Variants in CNTN4 observed in about 807,000 individuals in gnomAD.
CNTN4 encodes the protein contactin 4, also known as contactin-4.
In CNTN4, 77 loss-of-function variants were observed where a neutral mutation model predicts 122.5. The observed-to-expected ratio is 0.63, with a 90% CI of 0.52 to 0.76. CNTN4 has a LOEUF of 0.76. CNTN4 is among the 30% of genes least tolerant of loss of function. CNTN4 has a pLI of 0.00. For synonymous variants in CNTN4, 512 were observed against 447.0 expected (o/e 1.15, Z -1.83); for missense variants, 1,256 against 1,259.1 (o/e 1.00, Z 0.04).
chr3:2,929,904 G>A (rs905572240), intron 13 of CNTN4, among the ~76,000 whole-genome samples: 2 of 152,204 alleles, frequency 1.3e-5, no homozygotes, highest in African/African-American at 4.8e-5. Flanking sequence ...CGCAGAGGCT[G>A]ATGCCAAACT....
intron 4 of CNTN4, among the ~76,000 whole-genome samples, chr3:2,707,303 C>A (rs1183417978): frequency 2.0e-5 from 3 of 150,208 alleles, no homozygotes; most frequent in Admixed American, 6.6e-5. Context: ...AAGACCATGT[C>A]TCAAAAAAAA....
At chr3:2,636,925 T>C (rs1347007245) in intron 4 of CNTN4, among the ~76,000 whole-genome samples, 1 of 74,854 alleles carries the variant, frequency 1.3e-5, no homozygotes, top group South Asian at 4.4e-4. Context: ...TCTTTCTTTG[T>C]TTTTTTTTTT....
At chr3:2,126,295 T>C (rs1321331686) in intron 2 of CNTN4, among the ~76,000 whole-genome samples, 1 of 152,174 alleles carries the variant, frequency 6.6e-6, no homozygotes, top group Non-Finnish European at 1.5e-5. Flanking sequence ...GATAATGGAC[T>C]ATGATTCTAT....
intron 4 of CNTN4, among the ~76,000 whole-genome samples, chr3:2,644,264 G>A (rs1032203767): frequency 1.3e-4 from 20 of 152,144 alleles, no homozygotes; most frequent in African/African-American, 4.1e-4. Context: ...AACTCCCATC[G>A]CCGAGTTTTA....
At chr3:2,516,538 A>C (rs1469959709) in intron 3 of CNTN4, among the ~76,000 whole-genome samples, 2 of 152,068 alleles carry the variant, frequency 1.3e-5, no homozygotes, top group African/African-American at 4.8e-5. Context: ...GGCTTATCCG[A>C]CTGTTTTATT....
intron 2 of CNTN4, among the ~76,000 whole-genome samples, chr3:2,116,257 G>T (rs1029340629): frequency 6.6e-6 from 1 of 152,034 alleles, no homozygotes; most frequent in Non-Finnish European, 1.5e-5. Flanking sequence ...AATAATCATA[G>T]ACCAGGCATA....
chr3:2,764,718 C>T (rs991510919), intron 6 of CNTN4, among the ~76,000 whole-genome samples: 3 of 152,184 alleles, frequency 2.0e-5, no homozygotes, highest in African/African-American at 7.2e-5. Context: ...ATCATCAGTT[C>T]ACACATCGTC....
chr3:2,916,336 A>G (rs1373012382), intron 12 of CNTN4, among the ~76,000 whole-genome samples: 1 of 150,674 alleles, frequency 6.6e-6, no homozygotes, highest in Admixed American at 6.6e-5. Context: ...TTTCCTAGGC[A>G]GAGGGCCCTG....
chr3:2,520,259 CTTTTTTTTTTTTTTTTT>C (rs397988483), intron 3 of CNTN4, among the ~76,000 whole-genome samples: 5,550 of 74,624 alleles, frequency 0.074, 248 homozygotes, highest in East Asian at 0.23. Flanking sequence ...TGATTGCTTC[CTTTTTTTTTTTTTTTTT>C]TTTTTTTTTT....
chr3:2,758,693 G>C (rs540583602), intron 6 of CNTN4, among the ~76,000 whole-genome samples: 5 of 151,992 alleles, frequency 3.3e-5, no homozygotes, highest in Admixed American at 1.3e-4. Context: ...TTTTAGTAGA[G>C]ACGGGGTTTC....
chr3:2,478,010 A>T (rs2075879517), intron 3 of CNTN4, among the ~76,000 whole-genome samples: 2 of 152,224 alleles, frequency 1.3e-5, no homozygotes, highest in African/African-American at 2.4e-5. Context: ...GATTATCAAC[A>T]GTCGGATGGT....
chr3:2,767,393 T>A (rs778031219), intron 6 of CNTN4, among the ~76,000 whole-genome samples: 8 of 152,222 alleles, frequency 5.3e-5, no homozygotes, highest in Non-Finnish European at 1.2e-4. Context: ...TCTCCTCTTA[T>A]TGAACTGCTT....
intron 4 of CNTN4, among the ~76,000 whole-genome samples, chr3:2,705,970 T>C (rs2086707644): frequency 1.5e-5 from 2 of 132,922 alleles, no homozygotes; most frequent in East Asian, 2.1e-4. Context: ...ATATAAAATA[T>C]ATATTATATA....
chr3:2,553,452 A>G (rs2078597169), intron 3 of CNTN4, among the ~76,000 whole-genome samples: 1 of 152,230 alleles, frequency 6.6e-6, no homozygotes, highest in Admixed American at 6.5e-5. Context: ...TATGGAAACC[A>G]AAGTTATTTA....
At chr3:2,280,513 A>T (rs546913959) in intron 2 of CNTN4, among the ~76,000 whole-genome samples, 1 of 152,194 alleles carries the variant, frequency 6.6e-6, no homozygotes, top group Non-Finnish European at 1.5e-5. Context: ...ACAGTTAGTG[A>T]CAGACAGTCA....
At chr3:2,570,432 C>T (rs1375233725) in intron 3 of CNTN4, among the ~76,000 whole-genome samples, 1 of 152,178 alleles carries the variant, frequency 6.6e-6, no homozygotes, top group East Asian at 1.9e-4. Flanking sequence ...CCATCTTGGC[C>T]TTCCAAAGTT....
At chr3:2,947,367 C>G (rs2094689867) in intron 13 of CNTN4, among the ~76,000 whole-genome samples, 1 of 152,146 alleles carries the variant, frequency 6.6e-6, no homozygotes, top group Admixed American at 6.5e-5. Flanking sequence ...TTTTTATGAC[C>G]TGCTTACCTC....
At chr3:2,942,672 G>T (rs9310890) in intron 13 of CNTN4, among the ~76,000 whole-genome samples, 95,370 of 151,980 alleles carry the variant, frequency 0.63, 30,002 homozygotes, top group Middle Eastern at 0.71. Flanking sequence ...TTCCCAACAC[G>T]AGTTCTTGAG....
intron 14 of CNTN4, among the ~76,000 whole-genome samples, chr3:3,024,759 A>AAAG (rs1698588570): frequency 6.6e-6 from 1 of 152,176 alleles, no homozygotes; most frequent in Admixed American, 6.6e-5. Context: ...TACTCTCTTT[A>AAAG]AAGAGGAAAT....
Sources: allele counts gnomAD v4.1 joint callset (sites outside exome capture counted in the v4.1 genomes callset), GRCh38; gene constraint gnomAD v4.1.1; transcripts MANE v1.5; gene names NCBI Gene and HGNC (gene_info 2026-07-23, HGNC 2026-07-21).